PTPRD: variants seen among roughly 807,000 people sequenced by gnomAD.
PTPRD encodes protein tyrosine phosphatase receptor type D.
In PTPRD, 34 loss-of-function variants were observed where a neutral mutation model predicts 214.5. That is an observed-to-expected ratio of 0.16 (90% CI 0.12 to 0.21). The LOEUF (loss-of-function observed/expected upper bound fraction) is 0.21. Among genes scored for constraint, PTPRD ranks in the 10% least tolerant of loss-of-function variants. The probability of loss-of-function intolerance (pLI) is 1.00; values close to 1 mark genes in which losing one functional copy is unlikely to be tolerated. For missense variants in PTPRD, 2,545 were observed against 2,398.7 expected, an observed-to-expected ratio of 1.06 and a Z score of -1.27; for synonymous variants, 1,128 against 845.7, an observed-to-expected ratio of 1.33 and a Z score of -5.79.
chr9:9,224,827 C>A (rs1459277468), intron 9 of PTPRD, among the ~76,000 whole-genome samples: 1 of 151,898 alleles, frequency 6.6e-6, no homozygotes, highest in African/African-American at 2.4e-5. Context: ...AAGAGTTAAT[C>A]ATCTTTCACA....
At chr9:10,013,087 C>T (rs1167406581) in intron 4 of PTPRD, among the ~76,000 whole-genome samples, 1 of 151,854 alleles carries the variant, frequency 6.6e-6, no homozygotes, top group Non-Finnish European at 1.5e-5. Flanking sequence ...ACTTCAATTA[C>T]ACAAATTCAA....
intron 5 of PTPRD, among the ~76,000 whole-genome samples, chr9:9,788,594 G>T (rs181371726): frequency 6.7e-6 from 1 of 149,728 alleles, no homozygotes; most frequent in East Asian, 1.9e-4. Context: ...AACTAAAACA[G>T]CTTTCTAAGG....
At chr9:9,054,651 T>C (rs2099692922) in intron 10 of PTPRD, among the ~76,000 whole-genome samples, 1 of 152,166 alleles carries the variant, frequency 6.6e-6, no homozygotes, top group East Asian at 1.9e-4. Flanking sequence ...TCCAAACCTG[T>C]TTTGAGCTTG....
At chr9:8,849,699 C>T (rs2097775295) in intron 11 of PTPRD, among the ~76,000 whole-genome samples, 1 of 152,180 alleles carries the variant, frequency 6.6e-6, no homozygotes, top group African/African-American at 2.4e-5. Flanking sequence ...AGCACAGCCT[C>T]CTCAATGACT....
intron 36 of PTPRD, among the ~76,000 whole-genome samples, chr9:8,393,234 G>A (rs943264146): frequency 6.6e-6 from 1 of 152,070 alleles, no homozygotes; most frequent in Non-Finnish European, 1.5e-5. Flanking sequence ...ATTAATCAGA[G>A]TGCACTTCTA....
chr9:9,783,446 G>T (rs1014728781), intron 5 of PTPRD, among the ~76,000 whole-genome samples: 3 of 152,110 alleles, frequency 2.0e-5, no homozygotes, highest in South Asian at 2.1e-4. Flanking sequence ...TATATGCTGG[G>T]GTACACTGTT....
chr9:8,787,847 A>G (rs1290778049), intron 11 of PTPRD, among the ~76,000 whole-genome samples: 1 of 152,180 alleles, frequency 6.6e-6, no homozygotes, highest in African/African-American at 2.4e-5. Flanking sequence ...CTTCCAAATG[A>G]ATGATGGATA....
intron 9 of PTPRD, among the ~76,000 whole-genome samples, chr9:9,269,843 T>C (rs185690814): frequency 1.3e-5 from 2 of 151,254 alleles, no homozygotes; most frequent in African/African-American, 2.4e-5. Context: ...GATGGTAACC[T>C]GAGGTTGGGG....
At chr9:8,722,641 T>C (rs2098513541) in intron 12 of PTPRD, among the ~76,000 whole-genome samples, 1 of 152,194 alleles carries the variant, frequency 6.6e-6, no homozygotes, top group Admixed American at 6.5e-5. Context: ...AAAAGCCCTA[T>C]TGAAGTTCCT....
chr9:10,547,376 T>G (rs1345935962), intron 2 of PTPRD, among the ~76,000 whole-genome samples: 1 of 151,988 alleles, frequency 6.6e-6, no homozygotes, highest in African/African-American at 2.4e-5. Context: ...TGCAAAACTT[T>G]AGCACCAAAA....
intron 14 of PTPRD, among the ~76,000 whole-genome samples, chr9:8,617,774 T>C (rs2095661135): frequency 6.6e-6 from 1 of 152,134 alleles, no homozygotes; most frequent in Non-Finnish European, 1.5e-5. Flanking sequence ...TATTTATATA[T>C]GTACATAAAA....
intron 10 of PTPRD, among the ~76,000 whole-genome samples, chr9:9,139,051 T>C (rs1438623212): frequency 6.6e-6 from 1 of 152,040 alleles, no homozygotes; most frequent in African/African-American, 2.4e-5. Context: ...GACTCTCAAA[T>C]CCAAATTTGG....
intron 7 of PTPRD, among the ~76,000 whole-genome samples, chr9:9,597,109 G>T (rs978792882): frequency 1.3e-5 from 2 of 151,968 alleles, no homozygotes; most frequent in African/African-American, 4.8e-5. Flanking sequence ...CAGTGAGACA[G>T]AATAGGCCTT....
chr9:9,611,755 A>G (rs1379819501), intron 7 of PTPRD, among the ~76,000 whole-genome samples: 8 of 152,116 alleles, frequency 5.3e-5, no homozygotes, highest in Non-Finnish European at 1.2e-4. Context: ...AGAAGTATTT[A>G]ACAGTAAAAA....
chr9:9,304,182 G>T (rs1956362353), intron 9 of PTPRD, among the ~76,000 whole-genome samples: 2 of 152,178 alleles, frequency 1.3e-5, no homozygotes, highest in Non-Finnish European at 2.9e-5. Context: ...CTCAACAATA[G>T]ATTTTATAAA....
At chr9:8,890,547 T>C (rs903600873) in intron 11 of PTPRD, among the ~76,000 whole-genome samples, 1 of 152,250 alleles carries the variant, frequency 6.6e-6, no homozygotes, top group African/African-American at 2.4e-5. Context: ...AAAAAGTGTA[T>C]GTTAAACAAA....
chr9:10,132,409 CTTTAA>C lies in PTPRD; in HGVS notation c.-544-98624_-544-98620del, dbSNP rs370413518. Among the ~76,000 whole-genome samples the C allele has an allele frequency of 2.0e-4, 31 of 152,218 alleles. 1 individual carries two copies. Among genetic ancestry groups the C allele is most frequent in the African/African-American group, 6.7e-4 (28 of 41,530 alleles). On this transcript the variant is annotated intron_variant, in intron 3 of 45. Transcript: ENST00000381196. Reference sequence around the variant, plus strand: ...TCACTCTCTTGAAAATAATTATTCACTTTAATTTAACAAACACCTGCCATATGATG... The same window carrying C: ...TCACTCTCTTGAAAATAATTATTCACTTTAACAAACACCTGCCATATGATG...
chr9:9,833,642 C>T (rs2055721319), intron 5 of PTPRD, among the ~76,000 whole-genome samples: 1 of 99,048 alleles, frequency 1.0e-5, no homozygotes, highest in Non-Finnish European at 2.0e-5. Context: ...GTTTATTTCA[C>T]CTCTGCAGTC....
intron 10 of PTPRD, among the ~76,000 whole-genome samples, chr9:9,058,721 C>A (rs201786689): frequency 2.6e-5 from 4 of 151,446 alleles, no homozygotes; most frequent in Admixed American, 1.3e-4. Flanking sequence ...AGTGCTGGGA[C>A]TACAGGCGTG....
Sources: allele counts gnomAD v4.1 joint callset (sites outside exome capture counted in the v4.1 genomes callset), GRCh38; gene constraint gnomAD v4.1.1; transcripts MANE v1.5; gene names NCBI Gene and HGNC (gene_info 2026-07-23, HGNC 2026-07-21).